The following UBA7 variants were observed in gnomAD, a reference collection of about 807,000 sequenced individuals.
The protein encoded by UBA7 is ubiquitin like modifier activating enzyme 7, also known as ubiquitin-like modifier-activating enzyme 7.
Under a neutral mutation model 113.0 loss-of-function variants are expected in UBA7, and 88 were observed. The observed-to-expected ratio is 0.78, with a 90% CI of 0.66 to 0.93. The LOEUF (loss-of-function observed/expected upper bound fraction) is 0.93, where lower values mean the gene tolerates loss of function less well. Among genes scored for constraint, UBA7 ranks in the 40% least tolerant of loss-of-function variants. The pLI is 0.00. For synonymous variants in UBA7, 459 were observed against 513.0 expected (o/e 0.89, Z 1.42); for missense variants, 1,092 against 1,266.4 (o/e 0.86, Z 2.09).
In UBA7 at chr3:49,807,718, G is replaced by C. The variant is rs2081476387; in HGVS notation, c.2715+18C>G. The C allele has an allele frequency of 6.3e-7, 1 of 1,592,016 alleles. No individual in the cohort carries two copies. Among genetic ancestry groups the C allele is most frequent in the Non-Finnish European group, 8.6e-7 (1 of 1,168,376 alleles). ...ACCCAGGCCTAGTAGGGCTAAGGGT[G>C]GGGTATCATGGGCTCACCGTCTGGA... is the stretch of plus-strand genomic sequence containing the variant. On this transcript the variant is annotated intron_variant, in intron 21 of 23. Coordinates refer to ENST00000333486, the MANE Select transcript of UBA7 (RefSeq NM_003335.3). The surrounding 1 kb of genome is among the most constrained non-coding windows in gnomAD (Gnocchi z 4.0).
rs377706869 is a variant in UBA7 at position 49,810,476 on chromosome 3, C to T, written c.1467+41G>A. ...TTGGGTGGGAAGCTGTATGGGAGGACGGTCTGGGATGCAGGAGTGTGGAGA... is the reference window on the plus strand; with the variant it reads ...TTGGGTGGGAAGCTGTATGGGAGGATGGTCTGGGATGCAGGAGTGTGGAGA... On this transcript the variant is annotated intron_variant, in intron 12 of 23. Transcript: ENST00000333486. This position sits in a 1 kb window ranked among gnomAD's most constrained non-coding sequence, Gnocchi z 5.6. The T allele has an allele frequency of 3.1e-5, 50 of 1,613,708 alleles. No individual in the cohort carries two copies. Among genetic ancestry groups the T allele is most frequent in the Non-Finnish European group, 3.9e-5 (46 of 1,179,852 alleles).
chr3:49,808,187 C>T, intron 19 of UBA7, 75 bp from the exon 20 acceptor site: 1 of 1,571,518 alleles, frequency 6.4e-7, no homozygotes, highest in Non-Finnish European at 8.7e-7. Flanking sequence ...TGTCACTGCA[C>T]AAGTCTCCAC....
At chr3:49,806,347 G>A (rs2081453005) in intron 21 of UBA7, 182 bp from the exon 22 acceptor site, 1 of 616,730 alleles carries the variant, frequency 1.6e-6, no homozygotes, top group Non-Finnish European at 2.9e-6. Flanking sequence ...CCAGGCCGGG[G>A]CCAGCACAGG....
In UBA7 at chr3:49,807,963, C is replaced by G. The variant is rs777542027; in HGVS notation, c.2524-36G>C. The G allele has an allele frequency of 6.2e-7, 1 of 1,613,916 alleles. No individual in the cohort carries two copies. The highest frequency in any genetic ancestry group is 8.5e-7 in the Non-Finnish European group (1 of 1,179,844). On this transcript the variant is annotated intron_variant, in intron 20 of 23. Transcript: ENST00000333486. This position sits in a 1 kb window ranked among gnomAD's most constrained non-coding sequence, Gnocchi z 4.0. The stretch of plus-strand genomic sequence containing the variant: ...CAAGAGATTTGGTCTGGGCCCAAGG[C>G]GTAGGGCCAGGGTTTGCCCTCCACC...
rs910929042 is a variant in UBA7, at chr3:49,811,886, G to T, written c.923C>A (p.Pro308His). 1.9e-6 allele frequency: 3 copies of T among 1,613,630 alleles called. No homozygotes were observed. The African/African-American group carries it at 4.0e-5, about 22-fold the overall frequency. ...HKFQHLHGRP[P>H]QPWDPVDAET... is the part of the protein sequence containing the mutation. The stretch of plus-strand genomic sequence containing the variant: ...ACTACTCACAGGATCCCAGGGCTGG[G>T]GTGGCCGGCCATGGAGGTGCTGGAA... The change falls in exon 8 of 24, where the codon CCC becomes CAC. Residue 308 changes from proline to histidine, a missense_variant. Pro to His is a moderately conservative substitution (Grantham distance 77). This residue lies in a region of UBA7 where 584 missense variants were observed against 714.5 expected (regional missense o/e 0.82). Transcript: ENST00000333486.
In UBA7 at chr3:49,813,141, C is replaced by A; in HGVS notation, c.388G>T (p.Glu130Ter). The change falls in exon 4 of 24, where the codon GAG (glutamate) becomes TAG (stop). Residue 130 changes from glutamate (E) to a stop codon, truncating the protein, a stop_gained. Coordinates refer to ENST00000333486, the MANE Select transcript of UBA7 (RefSeq NM_003335.3). LOFTEE classifies it high-confidence loss of function. ...QVVVLTAAKL[E>*]EQLKVGTLCH... is the part of the protein sequence containing the mutation. ...AAGGTGCCCACCTTCAGCTGCTCCT[C>A]CAGCTTTGCAGCAGTCAGCACCACC... The A allele has an allele frequency of 6.2e-7, 1 of 1,614,176 alleles. No homozygotes were observed. The highest frequency in any genetic ancestry group is 8.5e-7 in the Non-Finnish European group (1 of 1,180,024).
In UBA7 at chr3:49,812,149, C is replaced by T. The variant is rs903285318; in HGVS notation, c.752G>A (p.Gly251Glu). The change falls in exon 7 of 24, where the codon GGG becomes GAG. Residue 251 changes from glycine to glutamate, a missense_variant. By Grantham distance (98) the Gly-to-Glu change is moderately conservative. Around this residue, in one of 3 missense-constraint regions of UBA7, gnomAD observed 584 missense variants for 714.5 expected, o/e 0.82. Transcript: ENST00000333486. The stretch of plus-strand genomic sequence containing the variant: ...GGGTCTCTTGACTTCAGTGATAGCC[C>T]CACCACGCAAGTACCGAGAGAAAGT... ...TTTFSRYLRG[G>E]AITEVKRPKT... is the part of the protein sequence containing the mutation. 1 of 1,614,190 alleles carries T rather than the reference C, an allele frequency of 6.2e-7. No homozygotes were observed. Among genetic ancestry groups the T allele is most frequent in the South Asian group, 1.1e-5 (1 of 91,080 alleles).
chr3:49,809,199 A>C (rs1302430994), intron 17 of UBA7, 40 bp from the exon 18 acceptor site: 5 of 1,583,618 alleles, frequency 3.2e-6, no homozygotes, highest in Non-Finnish European at 4.3e-6. Flanking sequence ...GCATGGGTGC[A>C]TGGGGTGGGG....
chr3:49,807,643 A>G lies in UBA7; in HGVS notation c.2715+93T>C. ...AGGACTTCTGCACAGTCTGAGTTTC[A>G]GTGAGAGCCGGCAGCTAGATTGGGG... On this transcript the variant is annotated intron_variant, in intron 21 of 23. Coordinates refer to ENST00000333486, the MANE Select transcript of UBA7 (RefSeq NM_003335.3). The surrounding 1 kb of genome is among the most constrained non-coding windows in gnomAD (Gnocchi z 4.0). 6.9e-7 allele frequency: 1 copy of G among 1,448,342 alleles called. No homozygotes were observed. Among genetic ancestry groups the G allele is most frequent in the Non-Finnish European group, 9.3e-7 (1 of 1,079,916 alleles). 89.7% of individuals were successfully genotyped at this position (1,448,342 alleles called of 1,614,324 possible). A position where few individuals can be genotyped will look rare whatever the true frequency, so the allele number is the denominator to read the frequency against.
chr3:49,809,043 A>G lies in UBA7; in HGVS notation c.2280T>C (p.Pro760=). The stretch of plus-strand genomic sequence containing the variant: ...AGATGGGGGCCATCTGTTGGGGGTC[A>G]GGCTGTGGCAGCAGCTTCAGCAGCT... ...LRELLKLLPQ[P]DPQQMAPIFA... is the part of the protein sequence containing the mutation. The change falls in exon 18 of 24, where the codon CCT becomes CCC. Residue 760 remains proline (P), a synonymous_variant. Coordinates refer to ENST00000333486, the MANE Select transcript of UBA7 (RefSeq NM_003335.3). 1 of 1,613,896 alleles carries G rather than the reference A, an allele frequency of 6.2e-7. No individual in the cohort carries two copies. The highest frequency in any genetic ancestry group is 8.5e-7 in the Non-Finnish European group (1 of 1,179,996).
Position 49,811,359 on chromosome 3 carries a change from C to G in UBA7, c.1036G>C (p.Val346Leu), listed in dbSNP as rs1186117397. 6.2e-7 allele frequency: 1 copy of G among 1,614,098 alleles called. No homozygotes were observed. Among genetic ancestry groups the G allele is most frequent in the African/African-American group, 1.3e-5 (1 of 74,940 alleles). ...GCACTGCTTAGGGCGACTGTCCGCA[C>G]TAGGGCCTCATCCAGTGGCTCTTCC... ...PLEEPLDEAL[V>L]RTVALSSAGV... Residue 346 changes from valine to leucine, a missense_variant, in exon 9 of 24, where the codon GTG becomes CTG. Coordinates refer to ENST00000333486, the MANE Select transcript of UBA7 (RefSeq NM_003335.3).
chr3:49,805,279 T>A lies in UBA7; in HGVS notation c.*29A>T. On this transcript the variant is annotated 3_prime_UTR_variant, in exon 24 of 24. Coordinates refer to ENST00000333486, the MANE Select transcript of UBA7 (RefSeq NM_003335.3). ...GCAGGGCTTGGGATCCGGGGCTCCA[T>A]TGAGCTAGGTGACAGGGTGGCTGCC... 1.9e-6 allele frequency: 3 copies of A among 1,606,150 alleles called. No homozygotes were observed. Among genetic ancestry groups the A allele is most frequent in the Non-Finnish European group, 2.6e-6 (3 of 1,173,668 alleles).
At position 49,808,425 on chromosome 3, in the gene UBA7, C is replaced by G; in HGVS notation, c.2391G>C (p.Trp797Cys). ...GAGGCTTCAGGGGAGGGCCCACACT[C>G]CAGACTTCCAGGGCTTTGTTCAGTT... ...QKELNKALEV[W>C]SVGPPLKPLM... Residue 797 changes from tryptophan to cysteine, a missense_variant, in exon 19 of 24, where the codon TGG becomes TGC. Trp to Cys is a radical substitution (Grantham distance 215). Coordinates refer to ENST00000333486, the MANE Select transcript of UBA7 (RefSeq NM_003335.3). 6.2e-7 allele frequency: 1 copy of G among 1,614,206 alleles called. No individual in the cohort carries two copies.
chr3:49,811,248 C>A (rs746550592), intron 9 of UBA7, 25 bp downstream of exon 9: 1 of 1,613,198 alleles, frequency 6.2e-7, no homozygotes, highest in African/African-American at 1.3e-5. Context: ...TTCCCAGTAC[C>A]CCCCACACCT....
Position 49,812,012 on chromosome 3 carries a change from G to C in UBA7, c.797C>G (p.Ser266Cys), listed in dbSNP as rs1187221766. Residue 266 changes from serine (S) to cysteine (C), a missense_variant, in exon 8 of 24, where the codon TCC becomes TGC. By Grantham distance (112) the Ser-to-Cys change is moderately radical. Transcript: ENST00000333486. ...VKRPKTVRHK[S>C]LDTALLQPHV... ...GGGCTGGAGCAGGGCTGTGTCCAGG[G>C]ACTTCTGCAAGGGCACCTGGCTCAG... 6 of 1,614,170 alleles carry C rather than the reference G, an allele frequency of 3.7e-6. No homozygotes were observed. Among genetic ancestry groups the C allele is most frequent in the East Asian group, 2.2e-5 (1 of 44,890 alleles).
chr3:49,810,034 G>A lies in UBA7; in HGVS notation c.1783C>T (p.Pro595Ser), dbSNP rs1025059270. The A allele has an allele frequency of 2.0e-5, 32 of 1,613,672 alleles. No homozygotes were observed. Among genetic ancestry groups the A allele is most frequent in the Middle Eastern group, 1.6e-4 (1 of 6,084 alleles). The change falls in exon 14 of 24, where the codon CCC becomes TCC. Residue 595 changes from proline to serine, a missense_variant. Pro to Ser is a moderately conservative substitution (Grantham distance 74). This residue lies in a region of UBA7 where 500 missense variants were observed against 529.3 expected (regional missense o/e 0.94). Coordinates refer to ENST00000333486, the MANE Select transcript of UBA7 (RefSeq NM_003335.3). This position sits in a 1 kb window ranked among gnomAD's most constrained non-coding sequence, Gnocchi z 5.6. ...TACCGCACGGTACAGACAGGGTAGG[G>A]GGCATCCTCAGAAGCTGCAGCTGAG... is the stretch of plus-strand genomic sequence containing the variant. ...PASAAASEDA[P>S]YPVCTVRYFP...
intron 19 of UBA7, 76 bp downstream of exon 19, chr3:49,808,310 A>C: frequency 6.3e-7 from 1 of 1,595,990 alleles, no homozygotes; most frequent in Non-Finnish European, 8.6e-7. Flanking sequence ...AAGGGGCTCC[A>C]AAACTACCTT....
chr3:49,809,072 T>G lies in UBA7; in HGVS notation c.2251A>C (p.Arg751=), dbSNP rs1257633199. Residue 751 remains arginine, a synonymous_variant, in exon 18 of 24, where the codon AGG becomes CGG. Coordinates refer to ENST00000333486, the MANE Select transcript of UBA7 (RefSeq NM_003335.3). ...LPGSQDWTAL[R]ELLKLLPQPD... ...TGTGGCAGCAGCTTCAGCAGCTCCC[T>G]GAGTGCAGTCCAGTCCTGTGAGCCA... The G allele has an allele frequency of 1.2e-6, 2 of 1,613,816 alleles. No homozygotes were observed. Among genetic ancestry groups the G allele is most frequent in the Non-Finnish European group, 1.7e-6 (2 of 1,179,938 alleles).
chr3:49,811,545 C>G (rs1418068525), intron 8 of UBA7, 90 bp from the exon 9 acceptor site: 1 of 1,508,162 alleles, frequency 6.6e-7, no homozygotes, highest in Non-Finnish European at 8.9e-7. Context: ...CCACCCTGTT[C>G]CACAGAAGAG....
Sources: allele counts gnomAD v4.1 joint callset, GRCh38; gene constraint gnomAD v4.1.1; regional missense constraint gnomAD v4.1.1; non-coding constraint Gnocchi (gnomAD v3.1); transcripts MANE v1.5; gene names NCBI Gene and HGNC (gene_info 2026-07-23, HGNC 2026-07-21).